FARS2: variants seen among roughly 807,000 people sequenced by gnomAD.
FARS2 encodes phenylalanine--tRNA ligase, mitochondrial.
Under a neutral mutation model 46.4 loss-of-function variants are expected in FARS2, and 40 were observed. The ratio of observed to expected loss-of-function variants is 0.86; its 90% CI spans 0.67 to 1.12. The LOEUF is 1.12. Among genes scored for constraint, FARS2 ranks in the 50% most tolerant of loss-of-function variants. FARS2 has a pLI of 0.00. For missense variants in FARS2, 513 were observed against 567.9 expected (o/e 0.90, Z 0.98); for synonymous variants, 234 against 214.9 (o/e 1.09, Z -0.78).
chr6:5,511,864 A>G (rs1768475834), intron 4 of FARS2, among the ~76,000 whole-genome samples: 1 of 152,216 alleles, frequency 6.6e-6, no homozygotes, highest in South Asian at 2.1e-4. Context: ...GGACAGGTTC[A>G]GGAGTCTGTT....
chr6:5,662,131 A>G (rs1777878576), intron 6 of FARS2, among the ~76,000 whole-genome samples: 1 of 152,134 alleles, frequency 6.6e-6, no homozygotes, highest in Non-Finnish European at 1.5e-5. Flanking sequence ...ATTTTTATGG[A>G]CTTTTTACCA....
intron 5 of FARS2, among the ~76,000 whole-genome samples, chr6:5,566,232 C>A (rs74909027): frequency 6.6e-6 from 1 of 152,078 alleles, no homozygotes; most frequent in Non-Finnish European, 1.5e-5. Context: ...ATCTCTCAGT[C>A]GGGAGTGGGG....
intron 6 of FARS2, among the ~76,000 whole-genome samples, chr6:5,625,897 A>T (rs988005644): frequency 2.0e-5 from 3 of 152,184 alleles, no homozygotes; most frequent in African/African-American, 7.2e-5. Flanking sequence ...TCAGATGCGC[A>T]GGTGGTGGGG....
chr6:5,581,943 G>C (rs553354878), intron 5 of FARS2, among the ~76,000 whole-genome samples: 20 of 145,286 alleles, frequency 1.4e-4, no homozygotes, highest in Admixed American at 1.3e-3. Flanking sequence ...ACATACTTCC[G>C]GTTAATTCCT....
At chr6:5,566,314 A>G (rs942522805) in intron 5 of FARS2, among the ~76,000 whole-genome samples, 2 of 151,050 alleles carry the variant, frequency 1.3e-5, no homozygotes, top group African/African-American at 4.9e-5. Flanking sequence ...CATCCCTTAC[A>G]GTGTATTTTC....
At chr6:5,408,959 A>T (rs563042338) in intron 3 of FARS2, among the ~76,000 whole-genome samples, 1 of 152,204 alleles carries the variant, frequency 6.6e-6, no homozygotes, top group African/African-American at 2.4e-5. Flanking sequence ...TAAGCTGTCC[A>T]AGGTGTTTCA....
Position 5,541,557 on chromosome 6 carries a change from ATC to A in FARS2, c.905-3619_905-3618del, listed in dbSNP as rs767205877. 9.4e-4 allele frequency among the ~76,000 whole-genome samples: 143 copies of A among 152,286 alleles called. 2 individuals are homozygous for A. The highest frequency in any genetic ancestry group is 3.1e-3 in the Admixed American group (47 of 15,298). On this transcript the variant is annotated intron_variant, in intron 4 of 6. Transcript: ENST00000274680. ...TATTGTAGATAATCTTTAGTGACTA[ATC>A]TCTTTTTGTTAAACATAATTCTTTT... is the stretch of plus-strand genomic sequence containing the variant.
intron 5 of FARS2, among the ~76,000 whole-genome samples, chr6:5,592,564 C>G (rs1371337709): frequency 2.0e-5 from 3 of 152,006 alleles, no homozygotes; most frequent in African/African-American, 7.3e-5. Flanking sequence ...ACCTGCCAAC[C>G]CTGAAATAGA....
At chr6:5,598,144 C>G (rs550529516) in intron 5 of FARS2, among the ~76,000 whole-genome samples, 1 of 151,956 alleles carries the variant, frequency 6.6e-6, no homozygotes, top group Non-Finnish European at 1.5e-5. Flanking sequence ...CCTAGCACTT[C>G]GGGAGGCCAA....
chr6:5,758,157 C>T (rs1370247712), intron 6 of FARS2, among the ~76,000 whole-genome samples: 2 of 152,078 alleles, frequency 1.3e-5, no homozygotes, highest in Non-Finnish European at 2.9e-5. Flanking sequence ...ACAAACACTA[C>T]ACCCTCCATG....
At chr6:5,683,634 G>A (rs374575899) in intron 6 of FARS2, among the ~76,000 whole-genome samples, 8 of 151,240 alleles carry the variant, frequency 5.3e-5, no homozygotes, top group African/African-American at 1.9e-4. Context: ...TTTAAGTTCC[G>A]GGATTCATGT....
At chr6:5,336,348 G>A (rs1396548753) in intron 1 of FARS2, among the ~76,000 whole-genome samples, 1 of 151,470 alleles carries the variant, frequency 6.6e-6, no homozygotes, top group East Asian at 1.9e-4. Context: ...TAAAAGTCTC[G>A]GTGACTTTAT....
At chr6:5,650,606 G>T (rs936451267) in intron 6 of FARS2, among the ~76,000 whole-genome samples, 1 of 151,892 alleles carries the variant, frequency 6.6e-6, no homozygotes, top group Non-Finnish European at 1.5e-5. Context: ...TCAGCCTCCC[G>T]AGTAGCTGGG....
chr6:5,299,474 A>G (rs1045210589), intron 1 of FARS2, among the ~76,000 whole-genome samples: 3 of 152,162 alleles, frequency 2.0e-5, no homozygotes, highest in African/African-American at 4.8e-5. Flanking sequence ...TTCTTCTATA[A>G]CAGCAATGGC....
At chr6:5,604,989 G>A (rs547723473) in intron 5 of FARS2, among the ~76,000 whole-genome samples, 12 of 152,192 alleles carry the variant, frequency 7.9e-5, no homozygotes, top group South Asian at 6.2e-4. Flanking sequence ...TCATATCCTC[G>A]GGGAGACCTT....
chr6:5,607,138 T>C (rs185681438), intron 5 of FARS2, among the ~76,000 whole-genome samples: 3 of 152,304 alleles, frequency 2.0e-5, no homozygotes, highest in Admixed American at 2.0e-4. Context: ...GTTTTACCTG[T>C]GATTTTGTTT....
At chr6:5,768,662 A>G (rs1762869405) in intron 6 of FARS2, among the ~76,000 whole-genome samples, 1 of 152,296 alleles carries the variant, frequency 6.6e-6, no homozygotes, top group African/African-American at 2.4e-5. Context: ...TTGTTTTTAA[A>G]ATGAGCATCC....
rs186605794 is a variant in FARS2, at chr6:5,457,260, C to T, written c.904+26088C>T. On this transcript the variant is annotated intron_variant, in intron 4 of 6. Transcript: ENST00000274680. ...CCTCCACCACACCCACCTCCCACCC[C>T]TATGGTCAGGGGGCATGGGTATTGA... Among the ~76,000 whole-genome samples the T allele has an allele frequency of 1.4e-3, 218 of 151,892 alleles. 2 individuals are homozygous for T. Among genetic ancestry groups the T allele is most frequent in the African/African-American group, 5.0e-3 (206 of 41,538 alleles).
intron 1 of FARS2, among the ~76,000 whole-genome samples, chr6:5,269,481 CAA>C (rs766259294): frequency 8.9e-5 from 12 of 135,528 alleles, no homozygotes; most frequent in South Asian, 7.2e-4. Context: ...TGAAAATAAC[CAA>C]AAAAAAAAAA....
Sources: allele counts gnomAD v4.1 joint callset (sites outside exome capture counted in the v4.1 genomes callset), GRCh38; gene constraint gnomAD v4.1.1; transcripts MANE v1.5; gene names NCBI Gene and HGNC (gene_info 2026-07-23, HGNC 2026-07-21).